The following PCDH15 variants were observed in gnomAD, a reference collection of about 807,000 sequenced individuals.
PCDH15 encodes the protein protocadherin related 15, also known as protocadherin-15.
Under a neutral mutation model 178.5 loss-of-function variants are expected in PCDH15, and 129 were observed. That is an observed-to-expected ratio of 0.72 (90% CI 0.63 to 0.84). The LOEUF (loss-of-function observed/expected upper bound fraction) is 0.84, where lower values mean the gene tolerates loss of function less well. Ranked by LOEUF, PCDH15 falls within the 40% of genes least tolerant of loss-of-function variation. The pLI is 0.00. For missense variants in PCDH15, 2,230 were observed against 2,099.9 expected, an observed-to-expected ratio of 1.06 and a Z score of -1.21; for synonymous variants, 800 against 732.0, an observed-to-expected ratio of 1.09 and a Z score of -1.50.
chr10:55,370,089 A>G (rs1420631613), intron 2 of PCDH15, among the ~76,000 whole-genome samples: 1 of 152,104 alleles, frequency 6.6e-6, no homozygotes, highest in Non-Finnish European at 1.5e-5. Context: ...GAGAGTCTGT[A>G]AGTAACCAAA....
At chr10:55,479,536 A>G (rs1191110079) in intron 2 of PCDH15, among the ~76,000 whole-genome samples, 1 of 151,634 alleles carries the variant, frequency 6.6e-6, no homozygotes, top group African/African-American at 2.4e-5. Flanking sequence ...AAGGCTGCAC[A>G]TGACAAACCC....
In PCDH15 at chr10:55,413,896, C is replaced by T. The variant is rs144523896; in HGVS notation, c.-156+213729G>A. On this transcript the variant is annotated intron_variant, in intron 2 of 5. Coordinates refer to the PCDH15 transcript ENST00000613346. The stretch of plus-strand genomic sequence containing the variant: ...TTTCTATCCCACTTTGAAGTTAGCT[C>T]ATTAGCTCATATATATATGCAGTCA... 2.6e-3 allele frequency among the ~76,000 whole-genome samples: 391 copies of T among 151,560 alleles called. 1 individual carries two copies. The highest frequency in any genetic ancestry group is 8.9e-3 in the African/African-American group (368 of 41,464).
At chr10:54,419,675 C>A (rs1412044198) in intron 3 of PCDH15, among the ~76,000 whole-genome samples, 1 of 152,098 alleles carries the variant, frequency 6.6e-6, no homozygotes, top group Non-Finnish European at 1.5e-5. Flanking sequence ...CTAATAAATA[C>A]TCTTCAACAA....
chr10:55,308,619 A>G (rs1312533311), intron 1 of PCDH15, among the ~76,000 whole-genome samples: 1 of 151,630 alleles, frequency 6.6e-6, no homozygotes, highest in Non-Finnish European at 1.5e-5. Context: ...TAAAACTAGA[A>G]CTTCAAATAT....
intron 16 of PCDH15, among the ~76,000 whole-genome samples, chr10:54,083,952 G>A (rs1323924841): frequency 2.0e-5 from 3 of 152,036 alleles, no homozygotes; most frequent in Admixed American, 6.6e-5. Flanking sequence ...TTGGCCAGGC[G>A]CGGTGGCTCA....
At chr10:55,625,511 G>T (rs1837508305) in intron 2 of PCDH15, among the ~76,000 whole-genome samples, 1 of 152,244 alleles carries the variant, frequency 6.6e-6, no homozygotes, top group Non-Finnish European at 1.5e-5. Flanking sequence ...TCTTGAAACA[G>T]TATCTTGTGT....
intron 2 of PCDH15, chr10:55,166,463 G>A (rs1200200018): frequency 6.6e-6 from 1 of 152,110 alleles, no homozygotes; most frequent in Non-Finnish European, 1.5e-5. Context: ...GCAATGCCTG[G>A]AAATTTAATT....
At chr10:55,008,273 A>G (rs1839977721) in intron 2 of PCDH15, among the ~76,000 whole-genome samples, 1 of 151,918 alleles carries the variant, frequency 6.6e-6, no homozygotes, top group Non-Finnish European at 1.5e-5. Context: ...CAACATTCTC[A>G]GTCTTCTCTT....
At chr10:54,957,625 G>T (rs1445237779) in intron 2 of PCDH15, among the ~76,000 whole-genome samples, 1 of 151,508 alleles carries the variant, frequency 6.6e-6, no homozygotes, top group Admixed American at 6.6e-5. Flanking sequence ...CAAGCAGAAT[G>T]GTACTGGGGT....
chr10:55,529,775 A>ATATATATATG (rs1341613838), intron 2 of PCDH15, among the ~76,000 whole-genome samples: 13 of 139,314 alleles, frequency 9.3e-5, no homozygotes, highest in Non-Finnish European at 2.0e-4. Flanking sequence ...ATATATATAT[A>ATATATATATG]TATTTGATTA....
intron 20 of PCDH15, among the ~76,000 whole-genome samples, chr10:54,005,302 G>A (rs2092346273): frequency 1.3e-5 from 2 of 151,996 alleles, no homozygotes; most frequent in South Asian, 2.1e-4. Flanking sequence ...AAAGAAAAAT[G>A]AACAAATGGG....
chr10:53,923,171 A>G (rs1201272904), intron 25 of PCDH15, among the ~76,000 whole-genome samples: 2 of 152,224 alleles, frequency 1.3e-5, no homozygotes, highest in East Asian at 1.9e-4. Context: ...CTGTAAGTAA[A>G]TAACTAGTAA....
chr10:54,394,058 G>C (rs1950881500), intron 3 of PCDH15, among the ~76,000 whole-genome samples: 1 of 151,870 alleles, frequency 6.6e-6, no homozygotes, highest in Admixed American at 6.6e-5. Context: ...GAAAGAAAGA[G>C]AGATGAAGAA....
rs2132385481 is a variant in PCDH15, at chr10:53,810,633, G to A, written c.4594C>T (p.Arg1532Ter). Residue 1532 changes from arginine to a stop codon, truncating the protein, a stop_gained, in exon 37 of 38, where the codon CGA becomes TGA. Coordinates refer to ENST00000644397, the MANE Select transcript of PCDH15 (RefSeq NM_001384140.1). LOFTEE classifies it high-confidence loss of function. The stretch of plus-strand genomic sequence containing the variant: ...TCCTGTCCAGCTGGTGGTAACAATC[G>A]ACGGCGACTCCCATATTGAGGCATT... The part of the protein sequence containing the change: ...YEMPQYGSRR[R>*]LLPPAGQEEY... 2.5e-6 allele frequency: 4 copies of A among 1,613,694 alleles called. No individual in the cohort carries two copies. Among genetic ancestry groups the A allele is most frequent in the Non-Finnish European group, 3.4e-6 (4 of 1,179,764 alleles).
intron 1 of PCDH15, among the ~76,000 whole-genome samples, chr10:54,792,311 G>T (rs995604785): frequency 6.6e-6 from 1 of 151,842 alleles, no homozygotes; most frequent in Admixed American, 6.6e-5. Flanking sequence ...GTCAAGTAGG[G>T]AGCAGATTTT....
chr10:54,240,763 C>G (rs888456591), intron 8 of PCDH15, among the ~76,000 whole-genome samples: 27 of 150,932 alleles, frequency 1.8e-4, no homozygotes, highest in Non-Finnish European at 3.4e-4. Context: ...TCCCGAGTAG[C>G]TGGGACTACA....
intron 21 of PCDH15, among the ~76,000 whole-genome samples, chr10:53,980,234 A>AG (rs1160237318): frequency 2.1e-5 from 3 of 145,542 alleles, no homozygotes; most frequent in African/African-American, 2.5e-5. Context: ...AAAAAAAAAG[A>AG]AAAAAACTTA....
At chr10:55,557,797 T>C (rs966683908) in intron 2 of PCDH15, among the ~76,000 whole-genome samples, 8 of 152,068 alleles carry the variant, frequency 5.3e-5, no homozygotes, top group African/African-American at 1.9e-4. Flanking sequence ...TCATGTTTTC[T>C]GAAAAGAGGA....
chr10:54,500,486 G>T (rs2080564903), intron 3 of PCDH15, among the ~76,000 whole-genome samples: 1 of 152,042 alleles, frequency 6.6e-6, no homozygotes, highest in Non-Finnish European at 1.5e-5. Flanking sequence ...ACCCCCAAAT[G>T]ATTTACTGTC....
Sources: gnomAD v4.1 joint callset for allele counts (sites outside exome capture counted in the v4.1 genomes callset) on GRCh38, gnomAD v4.1.1 for gene constraint, MANE v1.5 for transcripts, NCBI Gene and HGNC (gene_info 2026-07-23, HGNC 2026-07-21) for gene names.